Variants in GRIN2A observed in about 807,000 individuals in gnomAD.
GRIN2A encodes the protein glutamate receptor ionotropic, NMDA 2A.
GRIN2A carries 22 observed loss-of-function variants against 113.4 expected under a neutral mutation model. That is an observed-to-expected ratio of 0.19 (90% confidence interval 0.14 to 0.28). The LOEUF is 0.28. GRIN2A is among the 10% of genes least tolerant of loss of function. The pLI is 1.00. For missense variants in GRIN2A, 1,502 were observed against 1,887.0 expected, an observed-to-expected ratio of 0.80 and a Z score of 3.78; for synonymous variants, 827 against 738.4, an observed-to-expected ratio of 1.12 and a Z score of -1.94.
chr16:10,179,832 T>G, intron 2 of GRIN2A, 166 bp downstream of exon 2: 1 of 674,112 alleles, frequency 1.5e-6, no homozygotes, highest in Non-Finnish European at 2.7e-6. Context: ...ATTTCTGGGT[T>G]GGAGAGGCAA....
At chr16:9,792,513 T>G (rs1040269374) in intron 11 of GRIN2A, among the ~76,000 whole-genome samples, 1 of 152,192 alleles carries the variant, frequency 6.6e-6, no homozygotes, top group African/African-American at 2.4e-5. Flanking sequence ...CATGAGCCAC[T>G]GCACCTAGCC....
Position 10,173,287 on chromosome 16 carries a change from G to C in GRIN2A, c.414+6711C>G, listed in dbSNP as rs192416551. The stretch of plus-strand genomic sequence containing the variant: ...CGTCTGCCCTTTTCGAGAGCTCTCA[G>C]TGTTTAATGGGAAGGCCCATCACTC... On this transcript the variant is annotated intron_variant, in intron 2 of 12. Coordinates refer to ENST00000330684, the MANE Select transcript of GRIN2A (RefSeq NM_001134407.3). 6.6e-5 allele frequency among the ~76,000 whole-genome samples: 10 copies of C among 152,362 alleles called. No individual in the cohort carries two copies. The East Asian group carries it at 1.9e-3, about 29-fold the overall frequency.
chr16:9,889,913 G>C (rs1416884755), intron 4 of GRIN2A, among the ~76,000 whole-genome samples: 1 of 152,176 alleles, frequency 6.6e-6, no homozygotes, highest in African/African-American at 2.4e-5. Context: ...CACTCGAAAG[G>C]CTGTGCATTT....
intron 5 of GRIN2A, among the ~76,000 whole-genome samples, chr16:9,843,566 C>T (rs2042720072): frequency 6.6e-6 from 1 of 152,204 alleles, no homozygotes; most frequent in African/African-American, 2.4e-5. Flanking sequence ...TCCTTTATCT[C>T]AGGATCACAG....
chr16:9,834,260 C>T (rs370823065), intron 7 of GRIN2A, 30 bp from the exon 8 acceptor site: 62 of 1,612,738 alleles, frequency 3.8e-5, no homozygotes, highest in Middle Eastern at 1.6e-4. Context: ...GGAATGGAAA[C>T]GTGGTTAGTT....
intron 3 of GRIN2A, among the ~76,000 whole-genome samples, chr16:9,914,869 A>G (rs1300802773): frequency 1.1e-5 from 1 of 86,958 alleles, no homozygotes; most frequent in Non-Finnish European, 2.3e-5. Context: ...GAAGGGGCAT[A>G]TGTTTCCATT....
intron 2 of GRIN2A, among the ~76,000 whole-genome samples, chr16:9,948,255 C>T (rs936651758): frequency 6.6e-6 from 1 of 152,158 alleles, no homozygotes; most frequent in Non-Finnish European, 1.5e-5. Flanking sequence ...ATTTCTATTC[C>T]CATTCTACAG....
chr16:9,767,605 A>G (rs1291251100), intron 12 of GRIN2A, among the ~76,000 whole-genome samples: 1 of 152,148 alleles, frequency 6.6e-6, no homozygotes, highest in East Asian at 1.9e-4. Context: ...CACAAACAAA[A>G]CAAAAAAACA....
chr16:9,876,698 T>C (rs2043374168), intron 4 of GRIN2A, among the ~76,000 whole-genome samples: 1 of 152,176 alleles, frequency 6.6e-6, no homozygotes, highest in South Asian at 2.1e-4. Flanking sequence ...CAGTGAATGC[T>C]TGGTAAACAG....
chr16:9,985,671 G>C (rs3105691), intron 2 of GRIN2A, among the ~76,000 whole-genome samples: 23,514 of 152,114 alleles, frequency 0.15, 2,172 homozygotes, highest in East Asian at 0.39. Context: ...TGGAGGTAGA[G>C]AGTAGAGTGA....
At chr16:9,898,790 G>GTTTTTTTTTTTTTTTTTTTTTTTTTT (rs71402415) in intron 3 of GRIN2A, among the ~76,000 whole-genome samples, 1 of 140,344 alleles carries the variant, frequency 7.1e-6, no homozygotes, top group Non-Finnish European at 1.6e-5. Flanking sequence ...TTCACAGAGT[G>GTTTTTTTTTTTTTTTTTTTTTTTTTT]TTTTTTTTTT....
chr16:9,890,773 A>G (rs1393388597), intron 4 of GRIN2A, among the ~76,000 whole-genome samples: 1 of 152,204 alleles, frequency 6.6e-6, no homozygotes, highest in Non-Finnish European at 1.5e-5. Context: ...CATACAGCGC[A>G]CCACACAATT....
At chr16:10,105,748 A>G (rs971141577) in intron 2 of GRIN2A, among the ~76,000 whole-genome samples, 1 of 152,094 alleles carries the variant, frequency 6.6e-6, no homozygotes, top group African/African-American at 2.4e-5. Context: ...CTCTGCTAAA[A>G]ATACAAAAAT....
At chr16:10,143,427 C>A (rs1213915153) in intron 2 of GRIN2A, among the ~76,000 whole-genome samples, 2 of 151,948 alleles carry the variant, frequency 1.3e-5, no homozygotes, top group Admixed American at 1.3e-4. Context: ...TAATTTCAAG[C>A]AAATTATTGC....
intron 3 of GRIN2A, among the ~76,000 whole-genome samples, chr16:9,930,632 G>A (rs1465893558): frequency 6.6e-6 from 1 of 152,164 alleles, no homozygotes; most frequent in Non-Finnish European, 1.5e-5. Flanking sequence ...TGATCTCCCA[G>A]ATAAATATTT....
At chr16:9,769,896 G>A (rs190422494) in intron 11 of GRIN2A, among the ~76,000 whole-genome samples, 2 of 152,196 alleles carry the variant, frequency 1.3e-5, no homozygotes, top group East Asian at 3.9e-4. Flanking sequence ...AGTCACACAT[G>A]AGCAGCATAC....
At chr16:10,140,577 T>C (rs1297874936) in intron 2 of GRIN2A, among the ~76,000 whole-genome samples, 3 of 152,210 alleles carry the variant, frequency 2.0e-5, no homozygotes, top group Non-Finnish European at 4.4e-5. Context: ...CTGGCACTTT[T>C]GGGGAACCAA....
intron 2 of GRIN2A, among the ~76,000 whole-genome samples, chr16:10,105,844 T>G (rs915549930): frequency 1.3e-5 from 2 of 152,078 alleles, no homozygotes; most frequent in East Asian, 3.9e-4. Context: ...GAGGTGGGGG[T>G]TGCAGACAGC....
At chr16:9,969,719 T>A (rs2045633155) in intron 2 of GRIN2A, among the ~76,000 whole-genome samples, 2 of 152,224 alleles carry the variant, frequency 1.3e-5, no homozygotes, top group Admixed American at 1.3e-4. Flanking sequence ...GAGATGCATT[T>A]AGCTGTCACA....
Sources: gnomAD v4.1 joint callset for allele counts (sites outside exome capture counted in the v4.1 genomes callset) on GRCh38, gnomAD v4.1.1 for gene constraint, MANE v1.5 for transcripts, NCBI Gene and HGNC (gene_info 2026-07-23, HGNC 2026-07-21) for gene names.